Variants in CAPS2 observed in about 807,000 individuals in gnomAD.
CAPS2 encodes the protein calcyphosin-2.
In CAPS2, 98 loss-of-function variants were observed where a neutral mutation model predicts 86.5. The ratio of observed to expected loss-of-function variants is 1.13; its 90% confidence interval spans 0.96 to 1.34. CAPS2 has a LOEUF of 1.34. CAPS2 is among the 40% of genes most tolerant of loss of function. The pLI is 0.00. For synonymous variants in CAPS2, 210 were observed against 225.1 expected (o/e 0.93, Z 0.60); for missense variants, 729 against 686.8 (o/e 1.06, Z -0.69).
At chr12:75,333,851 C>T (rs1284564967), upstream of CAPS2, 1 of 151,944 alleles carries the variant, frequency 6.6e-6, no homozygotes, top group Non-Finnish European at 1.5e-5. Flanking sequence ...AAATTAATGT[C>T]ATGGGGAAAA....
intron 13 of CAPS2, 131 bp downstream of exon 13, chr12:75,291,595 ATATATATATATATATATT>A (rs1482850275): frequency 0.11 from 9,097 of 79,756 alleles, 741 homozygotes; most frequent in Non-Finnish European, 0.2. Flanking sequence ...ATATATATAT[ATATATATATATATATATT>A]CTTTTTTAAA....
chr12:75,287,137 G>C (rs2035021001), intron 14 of CAPS2, among the ~76,000 whole-genome samples: 1 of 150,596 alleles, frequency 6.6e-6, no homozygotes, highest in African/African-American at 2.4e-5. Context: ...TCATCCATAG[G>C]ACCAGTTCAT....
At chr12:75,300,166 C>A (rs78472841) in intron 8 of CAPS2, among the ~76,000 whole-genome samples, 76 of 152,158 alleles carry the variant, frequency 5.0e-4, no homozygotes, top group African/African-American at 1.8e-3. Context: ...AAAGTAAATA[C>A]TGAATAGAGA....
chr12:75,366,927 C>T (rs2044006932), intron 1 of CAPS2: 2 of 701,668 alleles, frequency 2.9e-6, no homozygotes, highest in South Asian at 3.0e-5. Context: ...GTTAACCACC[C>T]AGACATTCCC....
intron 12 of CAPS2, among the ~76,000 whole-genome samples, chr12:75,292,223 C>G (rs185395766): frequency 2.6e-5 from 4 of 151,916 alleles, no homozygotes; most frequent in Non-Finnish European, 4.4e-5. Flanking sequence ...CCTGCCACCA[C>G]GCCCAGCTAA....
Position 75,371,372 on chromosome 12 carries a change from G to T in CAPS2, c.-395+19466C>A, listed in dbSNP as rs2044347060. The T allele has an allele frequency of 2.0e-5, 4 of 205,066 alleles. No homozygotes were observed. The South Asian group carries it at 2.2e-4, about 11-fold the overall frequency. The allele number at this position is 205,066 out of a possible 1,614,324, so 12.7% of individuals were successfully genotyped here. On this transcript the variant is annotated intron_variant, in intron 1 of 5. Transcript: ENST00000551829. Reference sequence around the variant, plus strand: ...TCTCCTGCCTGGTTTATTCTAGCTGGCAGCCGATTGGATGTTGCCCACCCA... The same window carrying T: ...TCTCCTGCCTGGTTTATTCTAGCTGTCAGCCGATTGGATGTTGCCCACCCA...
At chr12:75,296,826 AG>A (rs2036982210) in intron 11 of CAPS2, among the ~76,000 whole-genome samples, 1 of 152,248 alleles carries the variant, frequency 6.6e-6, no homozygotes, top group South Asian at 2.1e-4. Flanking sequence ...GATTGGGGGC[AG>A]GAACAAGAGG....
intron 1 of CAPS2, among the ~76,000 whole-genome samples, chr12:75,326,121 G>A (rs2040757337): frequency 1.3e-5 from 2 of 151,938 alleles, no homozygotes; most frequent in African/African-American, 4.8e-5. Flanking sequence ...TGTGATATTA[G>A]TAGCAACCGT....
At chr12:75,370,225 G>C in intron 1 of CAPS2, 12 of 942,726 alleles carry the variant, frequency 1.3e-5, no homozygotes, top group Non-Finnish European at 1.9e-5. Context: ...TAAAGGAATA[G>C]TTTATTGCTT....
intron 1 of CAPS2, chr12:75,369,408 C>T: frequency 1.9e-6 from 1 of 536,302 alleles, no homozygotes; most frequent in South Asian, 8.1e-5. Flanking sequence ...ACCATTATAT[C>T]CAAAGCTAGA....
chr12:75,381,108 G>A (rs1045373602), intron 1 of CAPS2, among the ~76,000 whole-genome samples: 2 of 152,130 alleles, frequency 1.3e-5, no homozygotes, highest in African/African-American at 4.8e-5. Flanking sequence ...ACATGTTGTA[G>A]GAGGGACCCA....
chr12:75,348,121 C>T (rs968122793), intron 1 of CAPS2, among the ~76,000 whole-genome samples: 4 of 151,932 alleles, frequency 2.6e-5, no homozygotes, highest in African/African-American at 9.7e-5. Flanking sequence ...AAGAAAAGAA[C>T]AACATAACTT....
chr12:75,345,426 A>T (rs2042384680), intron 1 of CAPS2, among the ~76,000 whole-genome samples: 1 of 152,136 alleles, frequency 6.6e-6, no homozygotes, highest in African/African-American at 2.4e-5. Context: ...TAGACATGGT[A>T]CTGAGCCCCT....
chr12:75,366,088 A>C (rs2043943986), intron 1 of CAPS2, among the ~76,000 whole-genome samples: 1 of 152,132 alleles, frequency 6.6e-6, no homozygotes, highest in Admixed American at 6.6e-5. Flanking sequence ...TTATTTATTA[A>C]AGATTTTATT....
chr12:75,343,659 G>A, intron 1 of CAPS2: 1 of 1,500,768 alleles, frequency 6.7e-7, no homozygotes, highest in Non-Finnish European at 9.1e-7. Flanking sequence ...AAATACTTAT[G>A]CACAATTCAA....
At chr12:75,340,235 A>G (rs926286337) in intron 1 of CAPS2, among the ~76,000 whole-genome samples, 1 of 151,480 alleles carries the variant, frequency 6.6e-6, no homozygotes, top group African/African-American at 2.4e-5. Context: ...CCATATTTTT[A>G]GAACTGCAAA....
intron 1 of CAPS2, among the ~76,000 whole-genome samples, chr12:75,353,884 C>G (rs527388997): frequency 6.6e-6 from 1 of 152,208 alleles, no homozygotes; most frequent in Admixed American, 6.5e-5. Flanking sequence ...GAACTAAAGA[C>G]AAAAACCATA....
chr12:75,323,099 A>G, intron 3 of CAPS2, 78 bp downstream of exon 4: 1 of 1,521,964 alleles, frequency 6.6e-7, no homozygotes, highest in Non-Finnish European at 8.9e-7. Flanking sequence ...TAAAAAATAA[A>G]GTTAATGATA....
intron 1 of CAPS2, chr12:75,371,178 T>A (rs534309804): frequency 2.0e-5 from 3 of 152,560 alleles, no homozygotes; most frequent in African/African-American, 2.4e-5. Flanking sequence ...AAGCCGACAA[T>A]TCAGCCTTCA....
Sources: gnomAD v4.1 joint callset for allele counts (sites outside exome capture counted in the v4.1 genomes callset) on GRCh38, gnomAD v4.1.1 for gene constraint, MANE v1.5 for transcripts, NCBI Gene and HGNC (gene_info 2026-07-23, HGNC 2026-07-21) for gene names.